Variants in MAGI2 observed in about 807,000 individuals in gnomAD.
MAGI2 encodes the protein membrane-associated guanylate kinase, WW and PDZ domain-containing protein 2.
A neutral mutation model predicts 133.3 loss-of-function variants in MAGI2; 35 were observed. The ratio of observed to expected loss-of-function variants is 0.26; its 90% CI spans 0.20 to 0.35. The LOEUF is 0.35. Ranked by LOEUF, MAGI2 falls within the 10% of genes least tolerant of loss-of-function variation. MAGI2 has a pLI of 1.00. For missense variants in MAGI2, 1,636 were observed against 1,863.4 expected, an observed-to-expected ratio of 0.88 and a Z score of 2.25; for synonymous variants, 729 against 710.6, an observed-to-expected ratio of 1.03 and a Z score of -0.41.
chr7:79,095,506 AAAGT>A (rs1817440771), intron 1 of MAGI2, among the ~76,000 whole-genome samples: 1 of 152,204 alleles, frequency 6.6e-6, no homozygotes, highest in Non-Finnish European at 1.5e-5. Flanking sequence ...TTTTTGATTT[AAAGT>A]AAGAGACATG....
At chr7:78,476,247 C>T (rs1355488468) in intron 6 of MAGI2, among the ~76,000 whole-genome samples, 1 of 151,936 alleles carries the variant, frequency 6.6e-6, no homozygotes, top group Non-Finnish European at 1.5e-5. Context: ...GAAAAGGCCA[C>T]TCTTTTTTGT....
rs368525637 is a variant in MAGI2 at position 79,180,442 on chromosome 7, A to G, written c.302-173236T>C. ...CTTATGTGGATGGCAGCAGGCAAAA[A>G]GAGAGCCTGCGCAAAGAAACTCCCT... On this transcript the variant is annotated intron_variant, in intron 1 of 21. Transcript: ENST00000354212. Among the ~76,000 whole-genome samples, 6 of 152,168 alleles carry G rather than the reference A, an allele frequency of 3.9e-5. No homozygotes were observed. The East Asian group carries it at 9.7e-4, about 25-fold the overall frequency.
At chr7:78,119,091 G>A (rs996582826) in intron 20 of MAGI2, among the ~76,000 whole-genome samples, 4 of 152,156 alleles carry the variant, frequency 2.6e-5, no homozygotes, top group South Asian at 2.1e-4. Flanking sequence ...CCAACTATAT[G>A]ACATGGTGGA....
intron 1 of MAGI2, among the ~76,000 whole-genome samples, chr7:79,108,882 G>A (rs888984319): frequency 2.6e-5 from 4 of 152,008 alleles, no homozygotes; most frequent in African/African-American, 4.8e-5. Context: ...AAAAGTGTGC[G>A]GCACTTCTAT....
chr7:78,544,972 C>T (rs1055966295), intron 3 of MAGI2, among the ~76,000 whole-genome samples: 14 of 151,322 alleles, frequency 9.3e-5, no homozygotes, highest in East Asian at 3.9e-4. Flanking sequence ...ATCTTAATTT[C>T]GTAATCTAGT....
At chr7:78,527,071 G>A (rs1158232932) in intron 3 of MAGI2, among the ~76,000 whole-genome samples, 9 of 138,926 alleles carry the variant, frequency 6.5e-5, no homozygotes, top group African/African-American at 2.4e-4. Flanking sequence ...TTCCAAAAAT[G>A]TGAATAAAAA....
intron 21 of MAGI2, among the ~76,000 whole-genome samples, chr7:78,048,039 T>C (rs903805164): frequency 4.6e-5 from 7 of 152,348 alleles, no homozygotes; most frequent in African/African-American, 1.7e-4. Context: ...GCCTATCAGA[T>C]AACAGCTGTG....
intron 6 of MAGI2, among the ~76,000 whole-genome samples, chr7:78,376,541 T>C (rs972660392): frequency 6.6e-6 from 1 of 152,140 alleles, no homozygotes; most frequent in African/African-American, 2.4e-5. Context: ...GACCATGATT[T>C]TATGGGCTGG....
chr7:78,994,946 T>C (rs1026011668), intron 2 of MAGI2, among the ~76,000 whole-genome samples: 8 of 152,146 alleles, frequency 5.3e-5, no homozygotes, highest in Admixed American at 5.2e-4. Context: ...TATAAAATTT[T>C]ATATCGTTAG....
At chr7:79,122,228 T>A (rs1819965931) in intron 1 of MAGI2, among the ~76,000 whole-genome samples, 1 of 152,128 alleles carries the variant, frequency 6.6e-6, no homozygotes, top group Admixed American at 6.5e-5. Context: ...TTCCTTTAAG[T>A]TTGCAAGGAA....
intron 1 of MAGI2, among the ~76,000 whole-genome samples, chr7:79,039,784 C>CAT (rs531114460): frequency 2.6e-3 from 386 of 146,902 alleles, no homozygotes; most frequent in African/African-American, 7.8e-3. Context: ...GAGTTCGAGA[C>CAT]ATATATATAT....
In MAGI2 at chr7:78,563,579, T is replaced by C. The variant is rs140266007; in HGVS notation, c.539-41934A>G. Among the ~76,000 whole-genome samples the C allele has an allele frequency of 3.6e-3, 541 of 152,348 alleles. 3 individuals are homozygous for C. The highest frequency in any genetic ancestry group is 0.013 in the African/African-American group (521 of 41,582). ...AAACAGAAATTAACTCAGTGCCATATGACCCCAGTCATCCACAGCCATGTT... is the reference window on the plus strand; with the variant it reads ...AAACAGAAATTAACTCAGTGCCATACGACCCCAGTCATCCACAGCCATGTT... On this transcript the variant is annotated intron_variant, in intron 3 of 21. Transcript: ENST00000354212.
At chr7:78,923,249 T>A (rs1456767172) in intron 2 of MAGI2, among the ~76,000 whole-genome samples, 1 of 152,238 alleles carries the variant, frequency 6.6e-6, no homozygotes, top group East Asian at 1.9e-4. Context: ...TTTGGTGTTT[T>A]TGACATGAAG....
At chr7:79,295,069 T>A (rs1836827992) in intron 1 of MAGI2, among the ~76,000 whole-genome samples, 1 of 152,118 alleles carries the variant, frequency 6.6e-6, no homozygotes, top group African/African-American at 2.4e-5. Flanking sequence ...TGGTTGAAAT[T>A]AATGAAATTC....
At chr7:78,843,846 C>T (rs1792351767) in intron 2 of MAGI2, among the ~76,000 whole-genome samples, 1 of 151,112 alleles carries the variant, frequency 6.6e-6, no homozygotes, top group African/African-American at 2.4e-5. Context: ...ACATAATCAT[C>T]TAATGTTCAG....
intron 7 of MAGI2, among the ~76,000 whole-genome samples, chr7:78,367,993 C>T (rs927129740): frequency 6.6e-6 from 1 of 151,976 alleles, no homozygotes; most frequent in Non-Finnish European, 1.5e-5. Flanking sequence ...CATGTGACAC[C>T]ATACATTAGA....
intron 6 of MAGI2, among the ~76,000 whole-genome samples, chr7:78,439,655 G>T (rs565181590): frequency 6.6e-6 from 1 of 152,148 alleles, no homozygotes; most frequent in Non-Finnish European, 1.5e-5. Flanking sequence ...TTTATGGCTA[G>T]ATCCTTGGTT....
At chr7:78,602,894 C>T (rs1015344380) in intron 3 of MAGI2, among the ~76,000 whole-genome samples, 1 of 152,124 alleles carries the variant, frequency 6.6e-6, no homozygotes, top group Non-Finnish European at 1.5e-5. Flanking sequence ...AGATTTTATT[C>T]ATTCTTTGAT....
intron 9 of MAGI2, among the ~76,000 whole-genome samples, chr7:78,316,234 G>T (rs1787397252): frequency 6.6e-6 from 1 of 152,204 alleles, no homozygotes; most frequent in Non-Finnish European, 1.5e-5. Context: ...ATAAAGATGT[G>T]TGTATTCTTT....
Sources: gnomAD v4.1 joint callset for allele counts (sites outside exome capture counted in the v4.1 genomes callset) on GRCh38, gnomAD v4.1.1 for gene constraint, MANE v1.5 for transcripts, NCBI Gene and HGNC (gene_info 2026-07-23, HGNC 2026-07-21) for gene names.